The following CNOT6 variants were observed in gnomAD, a reference collection of about 807,000 sequenced individuals.
CNOT6 encodes CCR4-NOT transcription complex subunit 6, also known as carbon catabolite repression 4 protein.
CNOT6 carries 12 observed loss-of-function variants against 61.2 expected under a neutral mutation model. That is an observed-to-expected ratio of 0.20 (90% CI 0.13 to 0.32). The LOEUF (loss-of-function observed/expected upper bound fraction) is 0.32, where lower values mean the gene tolerates loss of function less well. CNOT6 is among the 10% of genes least tolerant of loss of function. CNOT6 has a pLI of 1.00. For synonymous variants in CNOT6, 225 were observed against 240.6 expected (o/e 0.94, Z 0.60); for missense variants, 405 against 663.9 (o/e 0.61, Z 4.28).
At chr5:180,507,076 G>A (rs1757162430) in intron 1 of CNOT6, among the ~76,000 whole-genome samples, 1 of 152,162 alleles carries the variant, frequency 6.6e-6, no homozygotes, top group African/African-American at 2.4e-5. Flanking sequence ...TTTTAAAGTT[G>A]AATGTCTGAG....
chr5:180,527,291 C>T (rs1027046139), intron 1 of CNOT6, among the ~76,000 whole-genome samples: 1 of 152,156 alleles, frequency 6.6e-6, no homozygotes, highest in Non-Finnish European at 1.5e-5. Context: ...TGCTGTGCCT[C>T]TTAAGTCATT....
chr5:180,548,281 C>T (rs1185157757), intron 2 of CNOT6, among the ~76,000 whole-genome samples: 2 of 152,222 alleles, frequency 1.3e-5, no homozygotes, highest in Non-Finnish European at 1.5e-5. Flanking sequence ...CATTTAGGAA[C>T]GAAGTCTAGC....
At chr5:180,520,097 G>A (rs912314994) in intron 1 of CNOT6, among the ~76,000 whole-genome samples, 22 of 152,180 alleles carry the variant, frequency 1.4e-4, no homozygotes, top group Admixed American at 7.9e-4. Flanking sequence ...GCCTGCCAAC[G>A]TGCTGGGATT....
rs1038933639 is a variant in CNOT6, at chr5:180,509,830, T to G, written c.-3+15067T>G. ...TAAGACCTTTTTGATACCTTGGTGT[T>G]TTTTTTTTTTTTTTTTCACTAGCTA... is the stretch of plus-strand genomic sequence containing the variant. On this transcript the variant is annotated intron_variant, in intron 1 of 11. Transcript: ENST00000261951. Among the ~76,000 whole-genome samples, 128 of 98,248 alleles carry G rather than the reference T, an allele frequency of 1.3e-3. 1 individual carries two copies. Among genetic ancestry groups the G allele is most frequent in the Non-Finnish European group, 2.4e-3 (100 of 42,346 alleles). 64.5% of individuals were successfully genotyped at this position (98,248 alleles called of 152,430 possible). A position where few individuals can be genotyped will look rare whatever the true frequency, so the allele number is the denominator to read the frequency against.
rs1376406697 is a variant in CNOT6 at position 180,494,694 on chromosome 5, G to A, written c.-72G>A. The A allele has an allele frequency of 6.5e-6, 1 of 153,488 alleles. No homozygotes were observed. The highest frequency in any genetic ancestry group is 1.5e-5 in the Non-Finnish European group (1 of 68,726). 9.5% of individuals were successfully genotyped at this position (153,488 alleles called of 1,614,324 possible). A position where few individuals can be genotyped will look rare whatever the true frequency, so the allele number is the denominator to read the frequency against. ...GCGGGACTGGTATGGTGGTTCCACA[G>A]GGCAGACCCCGCTGCACTCACAGGG... On this transcript the variant is annotated 5_prime_UTR_variant, in exon 1 of 12. Transcript: ENST00000261951.
intron 1 of CNOT6, among the ~76,000 whole-genome samples, chr5:180,499,121 TTC>T (rs1282679794): frequency 6.6e-6 from 1 of 152,224 alleles, no homozygotes. Context: ...ATATGGTGTC[TTC>T]TGAGTCTGTG....
In CNOT6 at chr5:180,550,774, T is replaced by C. The variant is rs189324137; in HGVS notation, c.299+657T>C. Among the ~76,000 whole-genome samples, 16 of 152,298 alleles carry C rather than the reference T, an allele frequency of 1.1e-4. No individual in the cohort carries two copies. In the East Asian group the frequency reaches 2.7e-3, roughly 26 times the overall value. On this transcript the variant is annotated intron_variant, in intron 3 of 11. Coordinates refer to ENST00000261951, the MANE Select transcript of CNOT6 (RefSeq NM_001370472.1). ...CTTAACACAGGGTCCAGGAAACCAT[T>C]GCCAGTTGGTGAAACCTTTTTGCCA...
intron 10 of CNOT6, among the ~76,000 whole-genome samples, chr5:180,569,689 A>G (rs937968590): frequency 6.6e-6 from 1 of 152,230 alleles, no homozygotes; most frequent in African/African-American, 2.4e-5. Flanking sequence ...TAATATAATC[A>G]TAGTTTAAAT....
intron 1 of CNOT6, among the ~76,000 whole-genome samples, chr5:180,515,731 AAG>A (rs1491016428): frequency 6.6e-6 from 1 of 152,080 alleles, no homozygotes; most frequent in Admixed American, 6.6e-5. Context: ...ACTAAAAAAA[AAG>A]GGGGTCTTTC....
chr5:180,527,901 T>C (rs1282334083), intron 1 of CNOT6, among the ~76,000 whole-genome samples: 2 of 152,200 alleles, frequency 1.3e-5, no homozygotes, highest in East Asian at 3.8e-4. Flanking sequence ...ACAAACCCTC[T>C]TGTGAACTGC....
chr5:180,544,670 A>T (rs1333276276), intron 2 of CNOT6, among the ~76,000 whole-genome samples: 1 of 152,194 alleles, frequency 6.6e-6, no homozygotes, highest in South Asian at 2.1e-4. Flanking sequence ...AAGGAGCTAT[A>T]CAAATTGGCA....
intron 2 of CNOT6, among the ~76,000 whole-genome samples, 153 bp from the exon 3 acceptor site, chr5:180,549,778 G>A (rs566002498): frequency 2.1e-4 from 32 of 152,208 alleles, no homozygotes; most frequent in South Asian, 4.2e-4. Flanking sequence ...GCAATGAATC[G>A]TAGAATAGGT....
rs56037164 is a variant in CNOT6, at chr5:180,539,552, T to C, written c.112+10164T>C. Among the ~76,000 whole-genome samples the C allele has an allele frequency of 8.2e-4, 4 of 4,858 alleles. No individual in the cohort carries two copies. In the South Asian group the frequency reaches 0.021, roughly 26 times the overall value. 3.2% of individuals were successfully genotyped at this position (4,858 alleles called of 152,430 possible). A position where few individuals can be genotyped will look rare whatever the true frequency, so the allele number is the denominator to read the frequency against. On this transcript the variant is annotated intron_variant, in intron 2 of 11. Transcript: ENST00000261951. ...TTTGACTTCAGTACTTTTTCTGTTC[T>C]TTTTTTTTTTTTTTTTTTTTTTTTT...
chr5:180,558,217 G>A lies in CNOT6; in HGVS notation c.385+4746G>A, dbSNP rs377749712. 5.3e-5 allele frequency among the ~76,000 whole-genome samples: 8 copies of A among 152,292 alleles called. 1 individual carries two copies. The highest frequency in any genetic ancestry group is 3.9e-4 in the East Asian group (2 of 5,178). ...AGTGATGAGGCACTTTTGTCAGGAC[G>A]TGGTCCACAGAGAGGAGAAAAGAAA... On this transcript the variant is annotated intron_variant, in intron 4 of 11. Transcript: ENST00000261951.
At chr5:180,512,983 C>T (rs1757463662) in intron 1 of CNOT6, among the ~76,000 whole-genome samples, 1 of 152,040 alleles carries the variant, frequency 6.6e-6, no homozygotes, top group African/African-American at 2.4e-5. Flanking sequence ...GCAAGCTCCG[C>T]CTCCTGGGTT....
intron 1 of CNOT6, among the ~76,000 whole-genome samples, chr5:180,498,298 T>C (rs1756708950): frequency 6.6e-6 from 1 of 152,184 alleles, no homozygotes; most frequent in Admixed American, 6.6e-5. Context: ...CTGGCCATAG[T>C]GTTTTAACAC....
At chr5:180,542,847 T>C (rs544261719) in intron 2 of CNOT6, among the ~76,000 whole-genome samples, 11 of 152,188 alleles carry the variant, frequency 7.2e-5, no homozygotes, top group South Asian at 2.1e-4. Context: ...TGGGTACTTA[T>C]GAGTATGTAC....
At chr5:180,536,427 G>C (rs1758703730) in intron 2 of CNOT6, among the ~76,000 whole-genome samples, 1 of 151,884 alleles carries the variant, frequency 6.6e-6, no homozygotes, top group Non-Finnish European at 1.5e-5. Flanking sequence ...TATTTTTGCT[G>C]TGCAGAAACT....
intron 3 of CNOT6, among the ~76,000 whole-genome samples, chr5:180,552,973 A>G (rs1398826804): frequency 2.6e-5 from 4 of 152,156 alleles, no homozygotes; most frequent in African/African-American, 9.7e-5. Context: ...CTGCTTTATC[A>G]TTTCCACTTT....
Sources: allele counts gnomAD v4.1 joint callset (sites outside exome capture counted in the v4.1 genomes callset), GRCh38; gene constraint gnomAD v4.1.1; transcripts MANE v1.5; gene names NCBI Gene and HGNC (gene_info 2026-07-23, HGNC 2026-07-21).